PRKCE: variants seen among roughly 807,000 people sequenced by gnomAD.
The protein encoded by PRKCE is protein kinase C epsilon type.
Under a neutral mutation model 85.4 loss-of-function variants are expected in PRKCE, and 16 were observed. The ratio of observed to expected loss-of-function variants is 0.19; its 90% CI spans 0.13 to 0.28. The LOEUF is 0.28. PRKCE is among the 10% of genes least tolerant of loss of function. The pLI, the probability that PRKCE is intolerant of heterozygous loss-of-function variation, is 1.00. For missense variants in PRKCE, 573 were observed against 975.2 expected (o/e 0.59, Z 5.49); for synonymous variants, 388 against 371.5 (o/e 1.04, Z -0.51).
At chr2:46,178,388 G>A (rs1679646238) in intron 14 of PRKCE, among the ~76,000 whole-genome samples, 1 of 152,154 alleles carries the variant, frequency 6.6e-6, no homozygotes, top group South Asian at 2.1e-4. Context: ...AACATTTCTT[G>A]GCTAACAAAA....
intron 6 of PRKCE, among the ~76,000 whole-genome samples, chr2:45,998,871 G>A (rs1704436758): frequency 6.6e-6 from 1 of 151,980 alleles, no homozygotes; most frequent in Non-Finnish European, 1.5e-5. Context: ...GCTTGCTGTG[G>A]AGTTTGCAGT....
chr2:45,929,915 C>A (rs1698909288), intron 2 of PRKCE, among the ~76,000 whole-genome samples: 1 of 152,228 alleles, frequency 6.6e-6, no homozygotes, highest in African/African-American at 2.4e-5. Flanking sequence ...CCCTAACCCA[C>A]TGTCAAATTT....
intron 2 of PRKCE, among the ~76,000 whole-genome samples, chr2:45,893,066 A>G (rs1025359972): frequency 9.2e-5 from 14 of 152,218 alleles, no homozygotes; most frequent in South Asian, 6.2e-4. Flanking sequence ...ACTGTTTGCG[A>G]CCCTCACAGA....
At chr2:46,129,401 G>A (rs1674191452) in intron 11 of PRKCE, among the ~76,000 whole-genome samples, 2 of 152,130 alleles carry the variant, frequency 1.3e-5, no homozygotes, top group Admixed American at 1.3e-4. Context: ...TACGTTCACA[G>A]CACTTTTACT....
intron 2 of PRKCE, among the ~76,000 whole-genome samples, chr2:45,848,296 A>G (rs1166269140): frequency 6.7e-6 from 1 of 149,574 alleles, no homozygotes; most frequent in Admixed American, 6.8e-5. Flanking sequence ...CAAATGACCA[A>G]TAGTTAGCAA....
intron 1 of PRKCE, among the ~76,000 whole-genome samples, chr2:45,753,466 T>C (rs1034102192): frequency 6.6e-6 from 1 of 151,504 alleles, no homozygotes; most frequent in African/African-American, 2.5e-5. Context: ...TGTATTCCAA[T>C]ATACCAAAAA....
chr2:46,022,513 T>C (rs1706753598), intron 10 of PRKCE, among the ~76,000 whole-genome samples: 1 of 152,220 alleles, frequency 6.6e-6, no homozygotes, highest in African/African-American at 2.4e-5. Flanking sequence ...ACCTAGTCTA[T>C]TGAGACAACT....
chr2:46,007,122 GC>G (rs756423808), intron 8 of PRKCE, among the ~76,000 whole-genome samples: 4 of 152,310 alleles, frequency 2.6e-5, no homozygotes, highest in Non-Finnish European at 5.9e-5. Context: ...TCCAGAGAGG[GC>G]CCAGATTTGT....
intron 10 of PRKCE, among the ~76,000 whole-genome samples, chr2:46,059,142 T>G (rs938998596): frequency 6.6e-6 from 1 of 152,082 alleles, no homozygotes; most frequent in African/African-American, 2.4e-5. Flanking sequence ...TCCCAGCTAC[T>G]TGGGAGGCTG....
chr2:46,036,333 T>C (rs1440469693), intron 10 of PRKCE, among the ~76,000 whole-genome samples: 1 of 152,006 alleles, frequency 6.6e-6, no homozygotes, highest in African/African-American at 2.4e-5. Context: ...TGCCAGCACT[T>C]TGGGAGGCTG....
chr2:45,760,396 G>A (rs887171050), intron 1 of PRKCE, among the ~76,000 whole-genome samples: 2 of 152,264 alleles, frequency 1.3e-5, no homozygotes, highest in African/African-American at 2.4e-5. Flanking sequence ...TGATCAGAAA[G>A]GGGAAAGTCT....
At chr2:46,063,023 G>C (rs1470685758) in intron 10 of PRKCE, among the ~76,000 whole-genome samples, 1 of 152,230 alleles carries the variant, frequency 6.6e-6, no homozygotes, top group African/African-American at 2.4e-5. Flanking sequence ...AATCACGAAA[G>C]AAAGCAGAGT....
At chr2:46,129,030 T>C (rs375205134) in intron 11 of PRKCE, among the ~76,000 whole-genome samples, 3 of 152,318 alleles carry the variant, frequency 2.0e-5, no homozygotes, top group South Asian at 4.1e-4. Flanking sequence ...GCCTCTGAGT[T>C]TCAAATCTTA....
At chr2:45,954,625 T>G (rs1700847690) in intron 2 of PRKCE, among the ~76,000 whole-genome samples, 2 of 152,188 alleles carry the variant, frequency 1.3e-5, no homozygotes, top group African/African-American at 4.8e-5. Flanking sequence ...AGAAAAGTAA[T>G]GTATAGAATT....
In PRKCE at chr2:45,786,326, A is replaced by G. The variant is rs1466610005; in HGVS notation, c.349-56674A>G. ...CAAGTTTCCAGGAGGAGTTACAATGAAGAGACAGTTCAAGTGACAGTTGCT... is the reference window on the plus strand; with the variant it reads ...CAAGTTTCCAGGAGGAGTTACAATGGAGAGACAGTTCAAGTGACAGTTGCT... On this transcript the variant is annotated intron_variant, in intron 1 of 14. Coordinates refer to ENST00000306156, the MANE Select transcript of PRKCE (RefSeq NM_005400.3). The surrounding 1 kb of genome is among the most constrained non-coding windows in gnomAD (Gnocchi z 5.3). Among the ~76,000 whole-genome samples, 1 of 152,126 alleles carries G rather than the reference A, an allele frequency of 6.6e-6. No homozygotes were observed. The highest frequency in any genetic ancestry group is 1.5e-5 in the Non-Finnish European group (1 of 68,018).
intron 12 of PRKCE, among the ~76,000 whole-genome samples, chr2:46,149,898 C>T (rs544475095): frequency 1.3e-5 from 2 of 151,238 alleles, no homozygotes; most frequent in East Asian, 1.9e-4. Flanking sequence ...ACTCTGTTAC[C>T]CAGGTTGAAG....
intron 1 of PRKCE, among the ~76,000 whole-genome samples, chr2:45,725,254 GC>G (rs1184508008): frequency 6.6e-6 from 1 of 152,124 alleles, no homozygotes; most frequent in African/African-American, 2.4e-5. Context: ...GAATATTTTA[GC>G]CCACCATTGA....
intron 6 of PRKCE, among the ~76,000 whole-genome samples, chr2:45,989,062 G>A (rs964814285): frequency 6.6e-6 from 1 of 152,128 alleles, no homozygotes; most frequent in Admixed American, 6.6e-5. Flanking sequence ...TGAAGTCATC[G>A]GGCACCAAGG....
At chr2:45,971,936 A>C (rs1702137249) in intron 2 of PRKCE, among the ~76,000 whole-genome samples, 1 of 152,212 alleles carries the variant, frequency 6.6e-6, no homozygotes. Flanking sequence ...GTGCAGATGC[A>C]TGAGGACTCT....
Sources: gnomAD v4.1 joint callset for allele counts (sites outside exome capture counted in the v4.1 genomes callset) on GRCh38, gnomAD v4.1.1 for gene constraint, Gnocchi (gnomAD v3.1) non-coding constraint, MANE v1.5 for transcripts, NCBI Gene and HGNC (gene_info 2026-07-23, HGNC 2026-07-21) for gene names.